TLK1: variants seen among roughly 807,000 people sequenced by gnomAD.
TLK1 encodes serine/threonine-protein kinase tousled-like 1.
A neutral mutation model predicts 105.3 loss-of-function variants in TLK1; 24 were observed. That is an observed-to-expected ratio of 0.23 (90% CI 0.17 to 0.32). The LOEUF (loss-of-function observed/expected upper bound fraction) is 0.32, where lower values mean the gene tolerates loss of function less well. TLK1 is among the 10% of genes least tolerant of loss of function. The pLI, the probability that TLK1 is intolerant of heterozygous loss-of-function variation, is 1.00. For missense variants in TLK1, 558 were observed against 910.5 expected, an observed-to-expected ratio of 0.61 and a Z score of 4.98; for synonymous variants, 321 against 310.4, an observed-to-expected ratio of 1.03 and a Z score of -0.36.
rs376885743 is a variant in TLK1, at chr2:171,069,791, C to G, written c.331-8635G>C. ...CTGGATGATTTATGGATTATGTATT[C>G]GTGAATTCTAGGGTTACAACATTTT... On this transcript the variant is annotated intron_variant, in intron 3 of 20. Coordinates refer to ENST00000431350, the MANE Select transcript of TLK1 (RefSeq NM_012290.5). 4.1e-3 allele frequency among the ~76,000 whole-genome samples: 626 copies of G among 152,218 alleles called. 3 individuals carry two copies. The highest frequency in any genetic ancestry group is 0.014 in the African/African-American group (580 of 41,544).
chr2:171,150,309 T>G (rs1387270624), intron 1 of TLK1, among the ~76,000 whole-genome samples: 3 of 152,208 alleles, frequency 2.0e-5, no homozygotes, highest in Non-Finnish European at 2.9e-5. Context: ...AAAAGGAGGC[T>G]TTTACTCAGT....
chr2:171,127,158 T>C (rs1558956825), intron 1 of TLK1, among the ~76,000 whole-genome samples: 1 of 151,482 alleles, frequency 6.6e-6, no homozygotes, highest in Non-Finnish European at 1.5e-5. Context: ...ACACCTGTGA[T>C]CCCAGCGACT....
At chr2:171,085,829 T>C (rs1417517434) in intron 2 of TLK1, among the ~76,000 whole-genome samples, 1 of 152,166 alleles carries the variant, frequency 6.6e-6, no homozygotes, top group African/African-American at 2.4e-5. Context: ...TAAATGATAA[T>C]GACAAGGGAG....
At chr2:171,183,305 A>C (rs1692962313) in intron 1 of TLK1, among the ~76,000 whole-genome samples, 1 of 152,218 alleles carries the variant, frequency 6.6e-6, no homozygotes, top group Non-Finnish European at 1.5e-5. Context: ...ATCCACAGAT[A>C]ACTCTAAACT....
In TLK1 at chr2:171,074,015, T is replaced by C. The variant is rs182654740; in HGVS notation, c.330+8766A>G. Among the ~76,000 whole-genome samples, 553 of 151,974 alleles carry C rather than the reference T, an allele frequency of 3.6e-3. 6 individuals carry two copies. The highest frequency in any genetic ancestry group is 0.012 in the African/African-American group (510 of 41,468). On this transcript the variant is annotated intron_variant, in intron 3 of 20. Coordinates refer to ENST00000431350, the MANE Select transcript of TLK1 (RefSeq NM_012290.5). ...AAGCGATTCTCCTGTCTCAGCCTCC[T>C]GAGTAGCTGGTATTACAGGCATGTG...
At chr2:171,222,648 C>T (rs1558996769) in intron 1 of TLK1, among the ~76,000 whole-genome samples, 1 of 151,816 alleles carries the variant, frequency 6.6e-6, no homozygotes, top group African/African-American at 2.4e-5. Flanking sequence ...TTATGGGGGA[C>T]ATGTGAAATT....
chr2:171,106,099 C>G (rs139831225), intron 2 of TLK1, among the ~76,000 whole-genome samples: 9 of 152,270 alleles, frequency 5.9e-5, no homozygotes, highest in African/African-American at 2.2e-4. Context: ...TAGCCAGGCA[C>G]AGAAAGATAA....
chr2:171,024,701 T>C (rs984929197), intron 12 of TLK1, among the ~76,000 whole-genome samples: 1 of 152,232 alleles, frequency 6.6e-6, no homozygotes, highest in Non-Finnish European at 1.5e-5. Context: ...TGTCACTTAC[T>C]GGTGGTATTA....
At chr2:171,027,794 T>C (rs575046298) in intron 12 of TLK1, among the ~76,000 whole-genome samples, 12 of 152,360 alleles carry the variant, frequency 7.9e-5, no homozygotes, top group Non-Finnish European at 1.6e-4. Context: ...ACTAAAGGGA[T>C]ATGGTGTGTC....
At chr2:171,156,609 A>G (rs1443942628) in intron 1 of TLK1, among the ~76,000 whole-genome samples, 5 of 152,198 alleles carry the variant, frequency 3.3e-5, no homozygotes, top group African/African-American at 1.2e-4. Context: ...TGTAAAGGAG[A>G]CATCTGTCAC....
chr2:170,997,877 A>T (rs1684138793), intron 18 of TLK1, 54 bp from the exon 19 acceptor site: 1 of 1,106,838 alleles, frequency 9.0e-7, no homozygotes, highest in South Asian at 1.6e-5. Flanking sequence ...TGTAACTTAA[A>T]ATCTTCTAAG....
chr2:171,000,311 A>G (rs1409544025), intron 18 of TLK1, among the ~76,000 whole-genome samples: 1 of 149,590 alleles, frequency 6.7e-6, no homozygotes, highest in African/African-American at 2.5e-5. Context: ...CCTGGGAGGC[A>G]GAGGTTGCAG....
intron 1 of TLK1, among the ~76,000 whole-genome samples, chr2:171,127,434 A>G (rs533608438): frequency 2.3e-4 from 35 of 152,282 alleles, no homozygotes; most frequent in African/African-American, 7.9e-4. Context: ...ATTTAGCTAT[A>G]ACTTTTGTTG....
chr2:171,042,050 C>T (rs929110367), intron 11 of TLK1, among the ~76,000 whole-genome samples: 21 of 152,180 alleles, frequency 1.4e-4, no homozygotes, highest in African/African-American at 4.8e-4. Context: ...CCATGTAGTA[C>T]CCATCACTTC....
chr2:171,148,091 C>T lies in TLK1; in HGVS notation c.139+12199G>A, dbSNP rs183072067. 1.0e-3 allele frequency among the ~76,000 whole-genome samples: 159 copies of T among 152,192 alleles called. 1 individual carries two copies. The highest frequency in any genetic ancestry group is 3.7e-3 in the African/African-American group (155 of 41,534). On this transcript the variant is annotated intron_variant, in intron 1 of 20. Coordinates refer to ENST00000431350, the MANE Select transcript of TLK1 (RefSeq NM_012290.5). The stretch of plus-strand genomic sequence containing the variant: ...ATTTTTACTTGAGATGGGGTTTCAC[C>T]GTGTTAGCCTGGATGGTCTTGATCT...
At position 171,025,987 on chromosome 2, in the gene TLK1, A is replaced by G. The variant is rs114644862; in HGVS notation, c.1236+2352T>C. On this transcript the variant is annotated intron_variant, in intron 12 of 20. Coordinates refer to ENST00000431350, the MANE Select transcript of TLK1 (RefSeq NM_012290.5). ...CTCTCAGAAGAAAACATGGGTATTCATGACATGAGAGTATGTTTCAGCATT... is the reference window on the plus strand; with the variant it reads ...CTCTCAGAAGAAAACATGGGTATTCGTGACATGAGAGTATGTTTCAGCATT... Among the ~76,000 whole-genome samples the G allele has an allele frequency of 3.5e-3, 537 of 152,306 alleles. 6 individuals are homozygous for G. The highest frequency in any genetic ancestry group is 0.012 in the African/African-American group (493 of 41,574).
At chr2:171,113,730 C>A (rs1690285236) in intron 2 of TLK1, among the ~76,000 whole-genome samples, 1 of 152,038 alleles carries the variant, frequency 6.6e-6, no homozygotes, top group South Asian at 2.1e-4. Context: ...AAAACTGGAT[C>A]ACTACCAATA....
intron 1 of TLK1, among the ~76,000 whole-genome samples, chr2:171,179,679 C>T (rs895399275): frequency 4.1e-4 from 62 of 152,240 alleles, no homozygotes; most frequent in South Asian, 2.1e-4. Context: ...CAGGAGCAGC[C>T]GGGTGCAGTG....
At chr2:171,210,172 A>G (rs1693586419) in intron 1 of TLK1, among the ~76,000 whole-genome samples, 1 of 152,202 alleles carries the variant, frequency 6.6e-6, no homozygotes, top group Non-Finnish European at 1.5e-5. Flanking sequence ...TTTTAGATGA[A>G]TAGAGCTGAA....
Sources: gnomAD v4.1 joint callset for allele counts (sites outside exome capture counted in the v4.1 genomes callset) on GRCh38, gnomAD v4.1.1 for gene constraint, MANE v1.5 for transcripts, NCBI Gene and HGNC (gene_info 2026-07-23, HGNC 2026-07-21) for gene names.